Variants in CTNNA3 observed in about 807,000 individuals in gnomAD.
CTNNA3 encodes catenin alpha 3, also known as catenin alpha-3.
CTNNA3 carries 76 observed loss-of-function variants against 95.7 expected under a neutral mutation model. The observed-to-expected ratio is 0.79, with a 90% CI of 0.66 to 0.96. CTNNA3 has a LOEUF of 0.96. Ranked by LOEUF, CTNNA3 falls within the 40% of genes least tolerant of loss-of-function variation. The probability of loss-of-function intolerance (pLI) is 0.00; values close to 1 mark genes in which losing one functional copy is unlikely to be tolerated. For synonymous variants in CTNNA3, 431 were observed against 374.4 expected (o/e 1.15, Z -1.74); for missense variants, 1,191 against 1,089.8 (o/e 1.09, Z -1.31).
At chr10:66,335,823 C>T (rs1384180038) in intron 12 of CTNNA3, among the ~76,000 whole-genome samples, 1 of 152,100 alleles carries the variant, frequency 6.6e-6, no homozygotes, top group Non-Finnish European at 1.5e-5. Flanking sequence ...GCCCTGCCCT[C>T]AGAGGTGGAG....
intron 1 of CTNNA3, among the ~76,000 whole-genome samples, chr10:67,740,839 G>C (rs1309451980): frequency 3.3e-5 from 5 of 151,316 alleles, no homozygotes; most frequent in Admixed American, 1.3e-4. Context: ...AAATCATGCT[G>C]CTATAAAGAC....
chr10:67,555,044 T>G (rs777678809), intron 3 of CTNNA3, among the ~76,000 whole-genome samples: 2 of 152,204 alleles, frequency 1.3e-5, no homozygotes, highest in Non-Finnish European at 2.9e-5. Flanking sequence ...TTGTCAGGTT[T>G]GTCAAAGATC....
At chr10:66,502,173 C>T (rs1840299051) in intron 11 of CTNNA3, among the ~76,000 whole-genome samples, 1 of 151,940 alleles carries the variant, frequency 6.6e-6, no homozygotes, top group South Asian at 2.1e-4. Flanking sequence ...TTTTCATTTT[C>T]ACAAAGCATT....
intron 1 of CTNNA3, among the ~76,000 whole-genome samples, chr10:67,678,083 C>G (rs1479507338): frequency 6.6e-6 from 1 of 151,988 alleles, no homozygotes; most frequent in Non-Finnish European, 1.5e-5. Context: ...TGACAAACAC[C>G]AGGACTAAAT....
intron 7 of CTNNA3, among the ~76,000 whole-genome samples, chr10:66,783,952 T>C (rs1840640020): frequency 6.6e-6 from 1 of 152,156 alleles, no homozygotes; most frequent in African/African-American, 2.4e-5. Context: ...GTGGGTTTTA[T>C]GGCGTTTGAA....
chr10:67,315,603 TCAAA>T (rs1315562966), intron 5 of CTNNA3, among the ~76,000 whole-genome samples: 2 of 152,002 alleles, frequency 1.3e-5, no homozygotes, highest in Non-Finnish European at 2.9e-5. Context: ...ATCTAACCAT[TCAAA>T]CAAACAAACT....
chr10:66,108,912 T>C (rs1273166965), intron 13 of CTNNA3, among the ~76,000 whole-genome samples: 1 of 151,826 alleles, frequency 6.6e-6, no homozygotes, highest in Non-Finnish European at 1.5e-5. Flanking sequence ...GAAAAGTATA[T>C]GCAAATATTC....
chr10:66,926,870 GATTA>G (rs750643913), intron 7 of CTNNA3: 23 of 1,483,194 alleles, frequency 1.6e-5, no homozygotes, highest in Admixed American at 2.4e-5. Flanking sequence ...CTTGATTAAG[GATTA>G]ATTCTTTTTT....
chr10:66,200,739 T>C (rs1470457039), intron 13 of CTNNA3, among the ~76,000 whole-genome samples: 1 of 152,252 alleles, frequency 6.6e-6, no homozygotes, highest in Non-Finnish European at 1.5e-5. Flanking sequence ...GGTTATAGCA[T>C]TTTACTGAAA....
chr10:66,849,215 T>C lies in CTNNA3; in HGVS notation c.1048-73691A>G, dbSNP rs1234368852. Among the ~76,000 whole-genome samples, 3 of 152,196 alleles carry C rather than the reference T, an allele frequency of 2.0e-5. No homozygotes were observed. In the East Asian group the frequency reaches 5.8e-4, roughly 29 times the overall value. On this transcript the variant is annotated intron_variant, in intron 7 of 17. Transcript: ENST00000433211. ...TCTTTTGTAATGCTTTGGTGGAGTC[T>C]AGTTGTTTGTTCAAGATATGCAAAT...
At chr10:67,269,691 T>A (rs1189463209) in intron 5 of CTNNA3, among the ~76,000 whole-genome samples, 1 of 152,184 alleles carries the variant, frequency 6.6e-6, no homozygotes, top group African/African-American at 2.4e-5. Flanking sequence ...ATGGTGAACA[T>A]ATCAGATTAG....
intron 13 of CTNNA3, among the ~76,000 whole-genome samples, chr10:66,146,804 G>A (rs552197768): frequency 6.6e-6 from 1 of 152,192 alleles, no homozygotes; most frequent in African/African-American, 2.4e-5. Context: ...CAATTCACGC[G>A]CCTCAGCTTC....
chr10:66,805,552 A>T (rs1841606286), intron 7 of CTNNA3, among the ~76,000 whole-genome samples: 1 of 150,450 alleles, frequency 6.6e-6, no homozygotes, highest in Non-Finnish European at 1.5e-5. Flanking sequence ...TGATTATACA[A>T]GTAAATAATA....
At chr10:66,769,833 T>C (rs922544231) in intron 8 of CTNNA3, among the ~76,000 whole-genome samples, 3 of 152,192 alleles carry the variant, frequency 2.0e-5, no homozygotes, top group Non-Finnish European at 4.4e-5. Context: ...AGCAGCAATC[T>C]CAATAGCATA....
At chr10:66,420,824 A>G in intron 11 of CTNNA3, among the ~76,000 whole-genome samples, 1 of 106,896 alleles carries the variant, frequency 9.4e-6, no homozygotes, top group African/African-American at 4.5e-5. Context: ...TAAATAAATA[A>G]ATAAATAAAT....
chr10:66,597,910 T>C lies in CTNNA3; in HGVS notation c.1374+23782A>G, dbSNP rs143363994. 6.7e-3 allele frequency among the ~76,000 whole-genome samples: 1,025 copies of C among 152,116 alleles called. 15 individuals carry two copies. The highest frequency in any genetic ancestry group is 0.024 in the African/African-American group (981 of 41,512). ...TTTATTTGAAACAAAAGAAGGTTAA[T>C]TAGCAACATTAAATATATGAAAGTA... On this transcript the variant is annotated intron_variant, in intron 10 of 17. Transcript: ENST00000433211.
At chr10:67,130,684 AGTTATGTTGAGCATG>A (rs753509404) in intron 7 of CTNNA3, among the ~76,000 whole-genome samples, 5 of 152,086 alleles carry the variant, frequency 3.3e-5, no homozygotes, top group Non-Finnish European at 7.4e-5. Flanking sequence ...ATTTTAGCAT[AGTTATGTTGAGCATG>A]GAAATGGGAA....
chr10:67,039,950 A>G (rs1395667357), intron 7 of CTNNA3, among the ~76,000 whole-genome samples: 2 of 152,138 alleles, frequency 1.3e-5, no homozygotes, highest in African/African-American at 4.8e-5. Context: ...GTCATAAAGC[A>G]TATTAGCTGT....
chr10:66,017,921 G>A (rs971140673), intron 15 of CTNNA3, among the ~76,000 whole-genome samples: 4 of 151,528 alleles, frequency 2.6e-5, no homozygotes, highest in Non-Finnish European at 5.9e-5. Context: ...TATCCTATAC[G>A]GCCTCCTTTA....
Sources: allele counts gnomAD v4.1 joint callset (sites outside exome capture counted in the v4.1 genomes callset), GRCh38; gene constraint gnomAD v4.1.1; transcripts MANE v1.5; gene names NCBI Gene and HGNC (gene_info 2026-07-23, HGNC 2026-07-21).